The following FLYWCH1 variants were observed in gnomAD, a reference collection of about 807,000 sequenced individuals.
The protein encoded by FLYWCH1 is FLYWCH-type zinc finger-containing protein 1.
Under a neutral mutation model 66.4 loss-of-function variants are expected in FLYWCH1, and 75 were observed. The ratio of observed to expected loss-of-function variants is 1.13; its 90% confidence interval spans 0.94 to 1.37. FLYWCH1 has a LOEUF of 1.37. Ranked by LOEUF, FLYWCH1 falls within the 40% of genes most tolerant of loss-of-function variation. The pLI is 0.00. For missense variants in FLYWCH1, 1,334 were observed against 1,001.8 expected, an observed-to-expected ratio of 1.33 and a Z score of -4.48; for synonymous variants, 595 against 429.9, an observed-to-expected ratio of 1.38 and a Z score of -4.75.
At chr16:2,928,732 CCACCCCA>C (rs1271850751) in intron 2 of FLYWCH1, 1 of 152,398 alleles carries the variant, frequency 6.6e-6, no homozygotes, top group Non-Finnish European at 1.5e-5. Context: ...ACAAAAAGCC[CCACCCCA>C]CACCATGACT....
At chr16:2,934,003 T>C (rs1047293096) in intron 6 of FLYWCH1, 24 bp downstream of exon 6, 1 of 1,497,720 alleles carries the variant, frequency 6.7e-7, no homozygotes, top group Non-Finnish European at 8.9e-7. Context: ...GGCTGGGAGC[T>C]GGGCCCCAGG....
At chr16:2,935,795 C>G (rs2070974662) in intron 6 of FLYWCH1, 1 of 152,324 alleles carries the variant, frequency 6.6e-6, no homozygotes, top group African/African-American at 2.4e-5. Context: ...CCTTTTTAGG[C>G]TTTGGGCTTG....
At chr16:2,939,743 C>T (rs2071181959) in intron 8 of FLYWCH1, 3 of 330,812 alleles carry the variant, frequency 9.1e-6, no homozygotes, top group East Asian at 6.5e-5. Context: ...GAGAAAGCCA[C>T]TATCGAGCTT....
At chr16:2,945,954 G>A (rs184701101) in intron 9 of FLYWCH1, among the ~76,000 whole-genome samples, 8 of 152,002 alleles carry the variant, frequency 5.3e-5, no homozygotes, top group African/African-American at 1.4e-4. Flanking sequence ...CCGAGATTGC[G>A]ACACTGCACT....
chr16:2,929,360 T>C (rs1267584987), intron 2 of FLYWCH1, among the ~76,000 whole-genome samples: 2 of 152,256 alleles, frequency 1.3e-5, no homozygotes, highest in Non-Finnish European at 2.9e-5. Context: ...TTAGTCACTC[T>C]GATGGCCCCT....
rs764783933 is a variant in FLYWCH1 at position 2,933,548 on chromosome 16, C to T, written c.1215C>T (p.Ala405=). 2.4e-5 allele frequency: 39 copies of T among 1,605,584 alleles called. No individual in the cohort carries two copies. Among genetic ancestry groups the T allele is most frequent in the Middle Eastern group, 1.7e-4 (1 of 6,032 alleles). The stretch of plus-strand genomic sequence containing the variant: ...AGGAGCTGCCAACCCAGCCCGAGGC[C>T]CCAGACGAGCACCAGGACATGGACG... ...EDQELPTQPE[A]PDEHQDMDAD... is the part of the protein sequence containing the mutation. Residue 405 remains alanine, a synonymous_variant, in exon 5 of 10, where the codon GCC becomes GCT. Transcript: ENST00000253928.
intron 2 of FLYWCH1, among the ~76,000 whole-genome samples, chr16:2,915,816 G>A (rs968274344): frequency 2.8e-4 from 41 of 147,872 alleles, no homozygotes; most frequent in African/African-American, 1.0e-3. Context: ...AAAAAAAAAA[G>A]AGAGAATCCA....
Position 2,937,149 on chromosome 16 carries a change from G to T in FLYWCH1, c.1542G>T (p.Leu514=), listed in dbSNP as rs539931241. ...PGGPEFLKTP[L]GGSFLVYESF... ...GCCCCGAGTTCCTGAAGACGCCCCT[G>T]GGGGGCAGCTTCCTGGTGTACGAGT... Residue 514 remains leucine (L), a synonymous_variant, in exon 7 of 10, where the codon CTG becomes CTT. Coordinates refer to ENST00000253928, the MANE Select transcript of FLYWCH1 (RefSeq NM_001308068.2). The T allele has an allele frequency of 4.4e-6, 5 of 1,139,526 alleles. No individual in the cohort carries two copies. Among genetic ancestry groups the T allele is most frequent in the Admixed American group, 3.5e-5 (1 of 28,800 alleles). The allele number at this position is 1,139,526 out of a possible 1,614,324, so 70.6% of individuals were successfully genotyped here. A position where few individuals can be genotyped will look rare whatever the true frequency, so the allele number is the denominator to read the frequency against.
At chr16:2,939,990 G>C in intron 8 of FLYWCH1, 42 bp from the exon 9 acceptor site, 3 of 1,560,170 alleles carry the variant, frequency 1.9e-6, no homozygotes, top group Non-Finnish European at 1.7e-6. Flanking sequence ...GCTTCAACAA[G>C]AGAAGAATTA....
intron 2 of FLYWCH1, among the ~76,000 whole-genome samples, chr16:2,918,997 G>T (rs1007213683): frequency 6.6e-6 from 1 of 152,008 alleles, no homozygotes; most frequent in African/African-American, 2.4e-5. Context: ...GCCCAGGCTG[G>T]AGTGCAGTGG....
rs578005656 is a variant in FLYWCH1 at position 2,933,959 on chromosome 16, C to T, written c.1493C>T (p.Thr498Met). The change falls in exon 6 of 10, where the codon ACG (threonine) becomes ATG (methionine). Residue 498 changes from threonine (T) to methionine (M), a missense_variant. Physicochemically the swap from Thr to Met is moderately conservative, Grantham distance 81. Coordinates refer to ENST00000253928, the MANE Select transcript of FLYWCH1 (RefSeq NM_001308068.2). ...AGGCAGCGGGAGAAACGCCCCAACA[C>T]GGCGCAGCGGGGGAGCCCAGGTACC... Reference protein sequence around the residue: ...ALRQREKRPNTAQRGSPGGPE... With the variant: ...ALRQREKRPNMAQRGSPGGPE... 644 of 1,547,680 alleles carry T rather than the reference C, an allele frequency of 4.2e-4. 12 individuals are homozygous for T. In the South Asian group the frequency reaches 7.0e-3, roughly 17 times the overall value.
In FLYWCH1 at chr16:2,924,123, G is replaced by T. The variant is rs571891120; in HGVS notation, c.-73-5490G>T. 1.1e-4 allele frequency among the ~76,000 whole-genome samples: 17 copies of T among 152,250 alleles called. No homozygotes were observed. In the South Asian group the frequency reaches 3.1e-3, roughly 28 times the overall value. ...AGGCAGGCGGATCACGAGGTCAGGA[G>T]ATCAAGACCATCCTGGCTAACACGG... is the stretch of plus-strand genomic sequence containing the variant. On this transcript the variant is annotated intron_variant, in intron 2 of 9. Coordinates refer to ENST00000253928, the MANE Select transcript of FLYWCH1 (RefSeq NM_001308068.2).
intron 4 of FLYWCH1, 59 bp downstream of exon 4, chr16:2,930,939 C>T (rs1195743258): frequency 3.0e-6 from 4 of 1,318,252 alleles, no homozygotes; most frequent in Non-Finnish European, 4.1e-6. Flanking sequence ...GAGGGCCCTT[C>T]CTCAGCCCAA....
chr16:2,939,359 G>T (rs1191269631), intron 8 of FLYWCH1, among the ~76,000 whole-genome samples: 2 of 152,052 alleles, frequency 1.3e-5, no homozygotes, highest in Non-Finnish European at 2.9e-5. Context: ...CTGCTTGGGA[G>T]GCAGGAGAAT....
At chr16:2,923,151 C>T in intron 2 of FLYWCH1, 1 of 379,190 alleles carries the variant, frequency 2.6e-6, no homozygotes, top group Non-Finnish European at 5.1e-6. Flanking sequence ...TTCAACGCTG[C>T]CGCCTTGGCC....
At chr16:2,926,403 G>C (rs1338343837) in intron 2 of FLYWCH1, among the ~76,000 whole-genome samples, 1 of 151,482 alleles carries the variant, frequency 6.6e-6, no homozygotes, top group Non-Finnish European at 1.5e-5. Flanking sequence ...TGATGCCCCT[G>C]AAAGCTATGT....
intron 9 of FLYWCH1, among the ~76,000 whole-genome samples, chr16:2,941,800 A>C (rs529371915): frequency 6.6e-6 from 1 of 152,132 alleles, no homozygotes; most frequent in African/African-American, 2.4e-5. Context: ...AGGGAGGTAG[A>C]TCACGAGACC....
intron 6 of FLYWCH1, chr16:2,934,779 A>C: frequency 2.5e-6 from 1 of 396,120 alleles, no homozygotes; most frequent in Non-Finnish European, 5.1e-6. Context: ...CCTCGTCCTC[A>C]CCCCCGCTCC....
At chr16:2,933,051 C>A (rs1596376515) in intron 4 of FLYWCH1, 79 bp from the exon 5 acceptor site, 3 of 1,275,326 alleles carry the variant, frequency 2.4e-6, no homozygotes, top group African/African-American at 1.5e-5. Context: ...CTCGTGTCAG[C>A]CCCCACAGTC....
Sources: gnomAD v4.1 joint callset for allele counts (sites outside exome capture counted in the v4.1 genomes callset) on GRCh38, gnomAD v4.1.1 for gene constraint, MANE v1.5 for transcripts, NCBI Gene and HGNC (gene_info 2026-07-23, HGNC 2026-07-21) for gene names.